The following TENT5D variants were observed in gnomAD, a reference collection of about 807,000 sequenced individuals.
The protein encoded by TENT5D is terminal nucleotidyltransferase 5D.
For missense variants in TENT5D, 191 were observed against 287.0 expected (o/e 0.67, Z 2.42); for synonymous variants, 103 against 100.6 (o/e 1.02, Z -0.15).
chrX:80,371,626 T>C (rs1930625999), intron 3 of TENT5D, among the ~76,000 whole-genome samples: 1 of 112,421 alleles, frequency 8.9e-6, no homozygotes, highest in African/African-American at 3.2e-5. Context: ...TGTTTGTGTT[T>C]TGGAGATAGC....
intron 1 of TENT5D, among the ~76,000 whole-genome samples, chrX:80,426,161 G>A (rs1931984917): frequency 9.0e-6 from 1 of 111,152 alleles, no homozygotes; most frequent in African/African-American, 3.3e-5. Context: ...CTAGGGGCCC[G>A]CTGTAGCATC....
intron 3 of TENT5D, among the ~76,000 whole-genome samples, chrX:80,397,084 C>T (rs757687737): frequency 4.9e-5 from 5 of 101,153 alleles, no homozygotes; most frequent in Middle Eastern, 5.4e-3. Context: ...ATGCTCCTCA[C>T]TTCCCAGACG....
intron 3 of TENT5D, among the ~76,000 whole-genome samples, chrX:80,387,841 A>G (rs971592016): frequency 2.0e-4 from 22 of 111,709 alleles, no homozygotes; most frequent in African/African-American, 6.2e-4. Context: ...GCAAGTTCCC[A>G]TATTCCCCAG....
rs1429621258 is a variant in TENT5D, at chrX:80,379,713, C to T, written c.-142+37149C>T. Among the ~76,000 whole-genome samples, 3 of 111,043 alleles carry T rather than the reference C, an allele frequency of 2.7e-5. No homozygotes were observed. The East Asian group carries it at 8.6e-4, about 32-fold the overall frequency. ...AGGGTGTATGTGTCAGGGAATTTAT[C>T]CATTTCTTCTAGATTTTCTAGTTTA... On this transcript the variant is annotated intron_variant, in intron 3 of 4. Coordinates refer to the TENT5D transcript ENST00000538312.
chrX:80,386,587 TA>T (rs1308254993), intron 3 of TENT5D, among the ~76,000 whole-genome samples: 3 of 111,414 alleles, frequency 2.7e-5, no homozygotes, highest in Non-Finnish European at 5.7e-5. Flanking sequence ...TCTAAAAAAA[TA>T]AAATAGCAAA....
intron 3 of TENT5D, among the ~76,000 whole-genome samples, chrX:80,408,802 G>C (rs1404787449): frequency 9.0e-6 from 1 of 110,944 alleles, no homozygotes; most frequent in African/African-American, 3.3e-5. Flanking sequence ...CCAAAAAAGA[G>C]AATTTTAGAT....
intron 3 of TENT5D, among the ~76,000 whole-genome samples, chrX:80,356,093 T>C (rs1209551248): frequency 1.8e-5 from 2 of 112,280 alleles, no homozygotes; most frequent in Non-Finnish European, 3.8e-5. Context: ...TACTTTTTTA[T>C]ATTAGAGCTA....
intron 1 of TENT5D, among the ~76,000 whole-genome samples, chrX:80,426,030 A>T (rs1030148541): frequency 2.7e-5 from 3 of 110,053 alleles, no homozygotes; most frequent in Non-Finnish European, 3.8e-5. Context: ...CCATCTCAAA[A>T]AATAATAATA....
intron 3 of TENT5D, among the ~76,000 whole-genome samples, chrX:80,385,519 C>G (rs1362174021): frequency 8.9e-6 from 1 of 111,905 alleles, no homozygotes; most frequent in Non-Finnish European, 1.9e-5. Context: ...TGGGCAAGGA[C>G]TTCATGTCTA....
At chrX:80,338,270 A>G (rs1325584678) in intron 2 of TENT5D, among the ~76,000 whole-genome samples, 1 of 111,569 alleles carries the variant, frequency 9.0e-6, no homozygotes. Context: ...GATCTTCCAA[A>G]TTGTTCTTTG....
At chrX:80,380,069 C>A (rs1034344746) in intron 3 of TENT5D, among the ~76,000 whole-genome samples, 2 of 107,590 alleles carry the variant, frequency 1.9e-5, no homozygotes, top group African/African-American at 3.4e-5. Context: ...AATTTTAGAT[C>A]TTTCCTGCTT....
At chrX:80,381,345 C>T (rs755274694) in intron 3 of TENT5D, among the ~76,000 whole-genome samples, 1 of 112,231 alleles carries the variant, frequency 8.9e-6, no homozygotes, top group Admixed American at 9.4e-5. Context: ...GTCTGATAGG[C>T]TTCCCTTTGT....
chrX:80,430,691 T>C (rs1932071589), intron 1 of TENT5D, among the ~76,000 whole-genome samples: 1 of 111,823 alleles, frequency 8.9e-6, no homozygotes, highest in African/African-American at 3.3e-5. Flanking sequence ...GTTGGTAAGA[T>C]GGCCATGCAC....
At chrX:80,411,391 A>G (rs1239824945) in intron 3 of TENT5D, among the ~76,000 whole-genome samples, 1 of 112,249 alleles carries the variant, frequency 8.9e-6, no homozygotes. Flanking sequence ...CATTTACTAC[A>G]TGCTTGAACT....
chrX:80,433,474 A>G (rs184055220), intron 1 of TENT5D, among the ~76,000 whole-genome samples: 1 of 112,490 alleles, frequency 8.9e-6, no homozygotes. Flanking sequence ...AGCCATAGCA[A>G]CACAAACAAG....
intron 2 of TENT5D, among the ~76,000 whole-genome samples, chrX:80,340,807 AT>A (rs1929943149): frequency 8.9e-6 from 1 of 111,913 alleles, no homozygotes; most frequent in South Asian, 3.7e-4. Context: ...ATTGCCAAAT[AT>A]CCTTTGAAGG....
At chrX:80,415,968 G>T (rs12395511), upstream of TENT5D, among the ~76,000 whole-genome samples, 502 of 111,596 alleles carry the variant, frequency 4.5e-3, 2 homozygotes, top group African/African-American at 0.015. Flanking sequence ...TTTGATTTTA[G>T]AACTCATTAC....
At chrX:80,342,282 A>G (rs1929976131) in intron 2 of TENT5D, among the ~76,000 whole-genome samples, 1 of 111,321 alleles carries the variant, frequency 9.0e-6, no homozygotes, top group African/African-American at 3.3e-5. Context: ...TTTCACTACA[A>G]CACGTCTCAA....
intron 1 of TENT5D, among the ~76,000 whole-genome samples, chrX:80,424,266 G>T (rs1052005509): frequency 9.0e-6 from 1 of 111,394 alleles, no homozygotes; most frequent in African/African-American, 3.3e-5. Context: ...GGTTATTAGA[G>T]TACATGTATT....
Sources: gnomAD v4.1 joint callset for allele counts (sites outside exome capture counted in the v4.1 genomes callset) on GRCh38, gnomAD v4.1.1 for gene constraint, MANE v1.5 for transcripts, NCBI Gene and HGNC (gene_info 2026-07-23, HGNC 2026-07-21) for gene names.